Variants in GOLGB1 observed in about 807,000 individuals in gnomAD.
GOLGB1 encodes golgin subfamily B member 1.
Under a neutral mutation model 336.9 loss-of-function variants are expected in GOLGB1, and 174 were observed. The ratio of observed to expected loss-of-function variants is 0.52; its 90% confidence interval spans 0.46 to 0.59. GOLGB1 has a LOEUF of 0.59. Among genes scored for constraint, GOLGB1 ranks in the 20% least tolerant of loss-of-function variants. The pLI is 0.00. For missense variants in GOLGB1, 3,331 were observed against 3,645.3 expected (o/e 0.91, Z 2.22); for synonymous variants, 1,208 against 1,289.2 (o/e 0.94, Z 1.35).
chr3:121,679,832 C>T (rs1222194718), intron 15 of GOLGB1, among the ~76,000 whole-genome samples: 1 of 152,182 alleles, frequency 6.6e-6, no homozygotes, highest in Non-Finnish European at 1.5e-5. Context: ...GTGGAGGCAA[C>T]ATGTGGGGCC....
intron 11 of GOLGB1, among the ~76,000 whole-genome samples, chr3:121,700,897 T>G (rs1943346755): frequency 6.6e-6 from 1 of 152,160 alleles, no homozygotes; most frequent in Non-Finnish European, 1.5e-5. Context: ...AGCCTAATAC[T>G]TATCATTCTC....
Position 121,691,752 on chromosome 3 carries a change from G to A in GOLGB1, c.7612C>T (p.Leu2538=), listed in dbSNP as rs375093892. 1.1e-5 allele frequency: 17 copies of A among 1,613,158 alleles called. No homozygotes were observed. The African/African-American group carries it at 2.0e-4, about 19-fold the overall frequency. The part of the protein sequence containing the change: ...NSENAKLDAE[L]IQYREDLNQV... The stretch of plus-strand genomic sequence containing the variant: ...TTCAGGTCTTCTCTATATTGGATCA[G>A]TTCTGCATCTAGCTTGGCATTCTCA... Residue 2538 remains leucine, a synonymous_variant, in exon 14 of 22, where the codon CTG becomes TTG. Coordinates refer to ENST00000614479, the MANE Select transcript of GOLGB1 (RefSeq NM_001366282.2).
chr3:121,743,067 A>G (rs1053886030), intron 1 of GOLGB1, among the ~76,000 whole-genome samples: 4 of 152,224 alleles, frequency 2.6e-5, no homozygotes, highest in African/African-American at 9.7e-5. Context: ...GCAATTCCTC[A>G]AGGATCAGAA....
chr3:121,705,817 G>A (rs1389501583), intron 10 of GOLGB1, among the ~76,000 whole-genome samples: 2 of 152,140 alleles, frequency 1.3e-5, no homozygotes, highest in Non-Finnish European at 2.9e-5. Flanking sequence ...CACAAAACCC[G>A]GAAGTGTCAG....
At chr3:121,683,882 C>T (rs1303514495) in intron 14 of GOLGB1, among the ~76,000 whole-genome samples, 6 of 151,940 alleles carry the variant, frequency 3.9e-5, no homozygotes, top group Non-Finnish European at 8.8e-5. Context: ...GTAATCCCAG[C>T]ACTTTGGGGG....
intron 1 of GOLGB1, among the ~76,000 whole-genome samples, chr3:121,747,405 GTA>G (rs1204767036): frequency 1.3e-4 from 19 of 141,192 alleles, no homozygotes; most frequent in African/African-American, 3.7e-4. Context: ...ACATATATAC[GTA>G]TATATATGTA....
intron 10 of GOLGB1, among the ~76,000 whole-genome samples, chr3:121,703,113 T>C (rs1464760953): frequency 6.6e-6 from 1 of 152,208 alleles, no homozygotes; most frequent in African/African-American, 2.4e-5. Context: ...CCAGAATTTT[T>C]GGTTTTCCTA....
intron 7 of GOLGB1, 21 bp downstream of exon 7, chr3:121,719,625 T>A: frequency 6.3e-7 from 1 of 1,584,370 alleles, no homozygotes; most frequent in Non-Finnish European, 8.6e-7. Context: ...ACAGTCATTC[T>A]ACCGAGTTTT....
At chr3:121,689,053 G>A (rs1417110145) in intron 14 of GOLGB1, among the ~76,000 whole-genome samples, 7 of 150,240 alleles carry the variant, frequency 4.7e-5, no homozygotes, top group Admixed American at 4.0e-4. Context: ...CGCCCCGTCC[G>A]GGAGGGAGGT....
intron 10 of GOLGB1, among the ~76,000 whole-genome samples, chr3:121,709,662 C>T (rs542197039): frequency 6.6e-6 from 1 of 152,174 alleles, no homozygotes; most frequent in South Asian, 2.1e-4. Flanking sequence ...CACAACATAA[C>T]AAGCTATGCT....
At position 121,694,754 on chromosome 3, in the gene GOLGB1, CTCT is replaced by C; in HGVS notation, c.5766_5768del (p.Glu1923del). The C allele has an allele frequency of 6.2e-7, 1 of 1,612,700 alleles. No individual in the cohort carries two copies. The highest frequency in any genetic ancestry group is 8.5e-7 in the Non-Finnish European group (1 of 1,179,926). On this transcript the variant is annotated inframe_deletion, in exon 13 of 22. Transcript: ENST00000614479. ...TAAGCCTCTCTTCCAAATCATCTTT[CTCT>C]TCTTCTGCTGTCTCCTTTAGTTTGG... is the stretch of plus-strand genomic sequence containing the variant.
At chr3:121,723,183 T>C (rs932766322) in intron 5 of GOLGB1, among the ~76,000 whole-genome samples, 1 of 152,232 alleles carries the variant, frequency 6.6e-6, no homozygotes, top group Non-Finnish European at 1.5e-5. Flanking sequence ...ATTTTTAACA[T>C]TATTTAATTT....
At chr3:121,689,583 C>T (rs1277391660) in intron 14 of GOLGB1, among the ~76,000 whole-genome samples, 1 of 151,196 alleles carries the variant, frequency 6.6e-6, no homozygotes, top group Non-Finnish European at 1.5e-5. Flanking sequence ...GCTGACCTTC[C>T]CTCCACTATT....
rs1943061542 is a variant in GOLGB1, at chr3:121,697,645, C to T, written c.2878G>A (p.Val960Ile). 6.2e-7 allele frequency: 1 copy of T among 1,612,130 alleles called. No individual in the cohort carries two copies. Among genetic ancestry groups the T allele is most frequent in the Non-Finnish European group, 8.5e-7 (1 of 1,179,514 alleles). Reference protein sequence around the residue: ...KKEQVEEDNEVSSGLKQNYDE... With the variant: ...KKEQVEEDNEISSGLKQNYDE... ...TAATTTTGTTTAAGGCCAGAAGAAA[C>T]TTCATTATCTTCTTCCACCTGCTCT... is the stretch of plus-strand genomic sequence containing the variant. The change falls in exon 13 of 22, where the codon GTT (valine) becomes ATT (isoleucine). Residue 960 changes from valine (V) to isoleucine (I), a missense_variant. Transcript: ENST00000614479.
chr3:121,677,176 A>G, intron 16 of GOLGB1, 109 bp downstream of exon 16: 1 of 1,220,590 alleles, frequency 8.2e-7, no homozygotes. Flanking sequence ...AATTTGTAGG[A>G]AGCTGATGCT....
In GOLGB1 at chr3:121,669,138, TG is replaced by T; in HGVS notation, c.9321+73del. 16 of 1,425,032 alleles carry T rather than the reference TG, an allele frequency of 1.1e-5. No homozygotes were observed. In the South Asian group the frequency reaches 2.0e-4, roughly 17 times the overall value. The allele number at this position is 1,425,032 out of a possible 1,614,324, so 88.3% of individuals were successfully genotyped here. On this transcript the variant is annotated intron_variant, in intron 18 of 21. Transcript: ENST00000614479. ...CTAATTACATTAACTTCTTCCATAC[TG>T]CTCTGTAGTGCTTCACCACTTGCAC...
chr3:121,737,651 CAA>C (rs35553866), intron 1 of GOLGB1, among the ~76,000 whole-genome samples: 2 of 116,224 alleles, frequency 1.7e-5, no homozygotes, highest in Non-Finnish European at 1.8e-5. Flanking sequence ...GACCGCGTCT[CAA>C]AAAAAAAAAA....
chr3:121,725,930 A>G (rs1470698867), intron 5 of GOLGB1, among the ~76,000 whole-genome samples: 1 of 152,082 alleles, frequency 6.6e-6, no homozygotes, highest in African/African-American at 2.4e-5. Flanking sequence ...GACCCTCACC[A>G]GATGCAGTCC....
intron 5 of GOLGB1, among the ~76,000 whole-genome samples, chr3:121,725,074 CT>C (rs1331835635): frequency 6.6e-6 from 1 of 152,108 alleles, no homozygotes; most frequent in Non-Finnish European, 1.5e-5. Flanking sequence ...CAGGCAGAGG[CT>C]TGTCTTGAGG....
Sources: gnomAD v4.1 joint callset for allele counts (sites outside exome capture counted in the v4.1 genomes callset) on GRCh38, gnomAD v4.1.1 for gene constraint, MANE v1.5 for transcripts, NCBI Gene and HGNC (gene_info 2026-07-23, HGNC 2026-07-21) for gene names.